The following PCDHA4 variants were observed in gnomAD, a reference collection of about 807,000 sequenced individuals.
PCDHA4 encodes the protein protocadherin alpha 4.
Under a neutral mutation model 61.4 loss-of-function variants are expected in PCDHA4, and 49 were observed. The observed-to-expected ratio is 0.80, with a 90% CI of 0.63 to 1.01. PCDHA4 has a LOEUF of 1.01. Ranked by LOEUF, PCDHA4 falls within the 50% of genes least tolerant of loss-of-function variation. PCDHA4 has a pLI of 0.00. For synonymous variants in PCDHA4, 590 were observed against 550.3 expected (o/e 1.07, Z -1.01); for missense variants, 1,254 against 1,235.8 (o/e 1.01, Z -0.22).
chr5:140,882,100 C>T, intron 1 of PCDHA4: 1 of 1,277,590 alleles, frequency 7.8e-7, no homozygotes, highest in Non-Finnish European at 1.1e-6. Flanking sequence ...AGAACGTTTC[C>T]GCGAAGAAAG....
intron 1 of PCDHA4, chr5:140,881,263 G>A: frequency 1.7e-6 from 1 of 575,868 alleles, no homozygotes; most frequent in Non-Finnish European, 2.2e-6. Flanking sequence ...TTTACTCAGT[G>A]ATGATGAAGT....
intron 3 of PCDHA4, among the ~76,000 whole-genome samples, chr5:141,002,672 C>A (rs1301536253): frequency 6.6e-6 from 1 of 152,292 alleles, no homozygotes; most frequent in African/African-American, 2.4e-5. Context: ...AGGACCAAAA[C>A]CTATACGACG....
Position 140,828,362 on chromosome 5 carries a change from G to C in PCDHA4, c.2385+18790G>C, listed in dbSNP as rs1341252383. The C allele has an allele frequency of 3.7e-6, 6 of 1,614,228 alleles. No individual in the cohort carries two copies. Among genetic ancestry groups the C allele is most frequent in the East Asian group, 4.5e-5 (2 of 44,886 alleles). On this transcript the variant is annotated intron_variant, in intron 1 of 3. Coordinates refer to ENST00000530339, the MANE Select transcript of PCDHA4 (RefSeq NM_018907.4). ...CATTTTGTTTGTGAATTCTCGGATC[G>C]ACCGCGAGGAGCTGTGCGGGCGGAG...
At chr5:140,829,216 C>T (rs2150164003) in intron 1 of PCDHA4, 2 of 1,614,120 alleles carry the variant, frequency 1.2e-6, no homozygotes, top group African/African-American at 2.7e-5. Context: ...TTAGCGTGAA[C>T]GACCTCGATT....
chr5:140,864,928 T>C (rs2048657742), intron 1 of PCDHA4: 1 of 152,144 alleles, frequency 6.6e-6, no homozygotes, highest in Non-Finnish European at 1.5e-5. Flanking sequence ...CTTGGCAGGG[T>C]GTCTCAGGCC....
intron 1 of PCDHA4, among the ~76,000 whole-genome samples, chr5:140,906,717 T>G (rs566025860): frequency 6.6e-6 from 1 of 152,320 alleles, no homozygotes; most frequent in African/African-American, 2.4e-5. Context: ...CTGCCTGGAT[T>G]GTGCTGTTGT....
intron 1 of PCDHA4, among the ~76,000 whole-genome samples, chr5:140,894,303 A>G (rs1386163832): frequency 2.0e-5 from 3 of 151,922 alleles, no homozygotes; most frequent in Admixed American, 6.6e-5. Context: ...TTTCCTGGAA[A>G]GTTTTCTTAA....
At chr5:140,810,319 T>C (rs1233053546) in intron 1 of PCDHA4, 1 of 152,250 alleles carries the variant, frequency 6.6e-6, no homozygotes, top group South Asian at 2.1e-4. Context: ...TTGATGCCCA[T>C]GTACACAGAT....
At chr5:140,967,057 A>T (rs1554229122) in intron 1 of PCDHA4, 1 of 1,612,704 alleles carries the variant, frequency 6.2e-7, no homozygotes, top group South Asian at 1.1e-5. Context: ...TGACGAGTGG[A>T]GCGCTCTTCG....
At chr5:140,899,964 T>A (rs543512832) in intron 1 of PCDHA4, among the ~76,000 whole-genome samples, 3 of 151,824 alleles carry the variant, frequency 2.0e-5, no homozygotes, top group African/African-American at 7.3e-5. Flanking sequence ...TGTGCTGCCA[T>A]GCCCAGCTAC....
In PCDHA4 at chr5:140,809,226, C is replaced by T. The variant is rs1425817282; in HGVS notation, c.2039C>T (p.Ser680Leu). 1 of 1,613,974 alleles carries T rather than the reference C, an allele frequency of 6.2e-7. No individual in the cohort carries two copies. Among genetic ancestry groups the T allele is most frequent in the African/African-American group, 1.3e-5 (1 of 74,936 alleles). ...AGTGGACAGGCGCCAAAGGCCTCCTCACGGGCGTTGGTGGGCGCTGTGGGT... is the reference window on the plus strand; with the variant it reads ...AGTGGACAGGCGCCAAAGGCCTCCTTACGGGCGTTGGTGGGCGCTGTGGGT... The part of the protein sequence containing the change: ...VESGQAPKAS[S>L]RALVGAVGPD... Residue 680 changes from serine to leucine, a missense_variant, in exon 1 of 4, where the codon TCA (serine) becomes TTA (leucine). By Grantham distance (145) the Ser-to-Leu change is moderately radical (BLOSUM62 -2). Coordinates refer to ENST00000530339, the MANE Select transcript of PCDHA4 (RefSeq NM_018907.4).
chr5:140,853,378 T>G, intron 1 of PCDHA4: 1 of 985,390 alleles, frequency 1.0e-6, no homozygotes, highest in Non-Finnish European at 1.2e-6. Context: ...ATGGTAAAAT[T>G]CAAAACAGCC....
chr5:140,884,172 G>T lies in PCDHA4; in HGVS notation c.2385+74600G>T, dbSNP rs142435897. ...TACACTGGCGAGATCAGCACGACGCGCCCTCTGGACGAGGTGGACGCGCCG... is the reference window on the plus strand; with the variant it reads ...TACACTGGCGAGATCAGCACGACGCTCCCTCTGGACGAGGTGGACGCGCCG... On this transcript the variant is annotated intron_variant, in intron 1 of 3. Transcript: ENST00000530339. 84 of 1,613,386 alleles carry T rather than the reference G, an allele frequency of 5.2e-5. No homozygotes were observed. In the African/African-American group the frequency reaches 9.2e-4, roughly 18 times the overall value.
rs2150481725 is a variant in PCDHA4, at chr5:140,850,382, C to A, written c.2385+40810C>A. On this transcript the variant is annotated intron_variant, in intron 1 of 3. Transcript: ENST00000530339. ...CGTTCCGCGTGGGGCTGTACACGGG[C>A]GAGATCAGCACAACGCGTGCCCTGG... 3.2e-5 allele frequency: 51 copies of A among 1,597,762 alleles called. 3 individuals are homozygous for A. In the African/African-American group the frequency reaches 5.9e-4, roughly 19 times the overall value.
chr5:140,967,487 G>C, intron 1 of PCDHA4: 8 of 1,613,290 alleles, frequency 5.0e-6, no homozygotes, highest in Non-Finnish European at 6.8e-6. Context: ...CTCGGGTACG[G>C]CACAGATCTC....
At chr5:140,855,432 A>T (rs2043465166) in intron 1 of PCDHA4, among the ~76,000 whole-genome samples, 1 of 150,022 alleles carries the variant, frequency 6.7e-6, no homozygotes, top group Non-Finnish European at 1.5e-5. Context: ...TCTAGTGATG[A>T]CTAGATCTTC....
intron 1 of PCDHA4, chr5:140,849,996 G>T (rs2150462323): frequency 6.3e-7 from 1 of 1,597,124 alleles, no homozygotes; most frequent in East Asian, 2.2e-5. Context: ...GCGGTTGGGC[G>T]AGCGCTCGCT....
intron 1 of PCDHA4, chr5:140,811,498 A>G (rs1310095645): frequency 3.3e-5 from 5 of 152,218 alleles, no homozygotes; most frequent in African/African-American, 1.2e-4. Context: ...TAGTAGCATG[A>G]TTTATAATCC....
In PCDHA4 at chr5:141,011,172, A is replaced by G. The variant is rs377766708; in HGVS notation, c.*1235A>G. On this transcript the variant is annotated 3_prime_UTR_variant, in exon 4 of 4. Transcript: ENST00000530339. ...TCTAACCAACTATATATCAAGACCC[A>G]AAAATTGAAGAAAAATATTGTTTTC... 53 of 153,852 alleles carry G rather than the reference A, an allele frequency of 3.4e-4. No individual in the cohort carries two copies. Among genetic ancestry groups the G allele is most frequent in the African/African-American group, 1.2e-3 (51 of 41,568 alleles). 9.5% of individuals were successfully genotyped at this position (153,852 alleles called of 1,614,324 possible).
Sources: gnomAD v4.1 joint callset for allele counts (sites outside exome capture counted in the v4.1 genomes callset) on GRCh38, gnomAD v4.1.1 for gene constraint, MANE v1.5 for transcripts, NCBI Gene and HGNC (gene_info 2026-07-23, HGNC 2026-07-21) for gene names.